COX4I2: variants seen among roughly 807,000 people sequenced by gnomAD.
The protein encoded by COX4I2 is cytochrome c oxidase subunit 4I2, also known as cytochrome c oxidase subunit 4 isoform 2, mitochondrial.
COX4I2 carries 15 observed loss-of-function variants against 20.8 expected under a neutral mutation model. That is an observed-to-expected ratio of 0.72 (90% CI 0.48 to 1.11). The LOEUF (loss-of-function observed/expected upper bound fraction) is 1.11, where lower values mean the gene tolerates loss of function less well. Ranked by LOEUF, COX4I2 falls within the 50% of genes most tolerant of loss-of-function variation. The pLI is 0.00. For missense variants in COX4I2, 224 were observed against 223.0 expected, an observed-to-expected ratio of 1.00 and a Z score of -0.03; for synonymous variants, 80 against 78.1, an observed-to-expected ratio of 1.02 and a Z score of -0.13.
At position 31,640,113 on chromosome 20, in the gene COX4I2, G is replaced by A. The variant is rs562254228; in HGVS notation, c.247+16G>A. ...AAGGTGGCCTGTAAGTGTCAGGGTG[G>A]GGCTGGCTGGAGAGAGTGGGTTGGG... is the stretch of plus-strand genomic sequence containing the variant. On this transcript the variant is annotated intron_variant, in intron 3 of 4. Transcript: ENST00000376075. 3.8e-6 allele frequency: 6 copies of A among 1,597,268 alleles called. No individual in the cohort carries two copies. In the African/African-American group the frequency reaches 8.0e-5, roughly 21 times the overall value.
chr20:31,638,919 C>T, intron 1 of COX4I2, 99 bp from the exon 2 acceptor site: 1 of 1,251,266 alleles, frequency 8.0e-7, no homozygotes, highest in Non-Finnish European at 1.1e-6. Context: ...ACCCCTACCA[C>T]TACCATACCA....
chr20:31,643,107 T>C (rs1217507165), intron 3 of COX4I2, among the ~76,000 whole-genome samples: 1 of 152,140 alleles, frequency 6.6e-6, no homozygotes, highest in Non-Finnish European at 1.5e-5. Flanking sequence ...TCACCAACTT[T>C]CTCCCATTGA....
At chr20:31,640,750 A>G (rs2060462994) in intron 3 of COX4I2, among the ~76,000 whole-genome samples, 4 of 151,824 alleles carry the variant, frequency 2.6e-5, no homozygotes, top group African/African-American at 9.7e-5. Flanking sequence ...ACTCAGCCTG[A>G]CCTCCAAGAT....
chr20:31,642,841 C>CA (rs1323153272), intron 3 of COX4I2, among the ~76,000 whole-genome samples: 1 of 152,106 alleles, frequency 6.6e-6, no homozygotes, highest in Non-Finnish European at 1.5e-5. Flanking sequence ...CTTGGTCTCC[C>CA]AAAATTCTAG....
At chr20:31,638,835 T>C (rs564685964) in intron 1 of COX4I2, among the ~76,000 whole-genome samples, 183 bp from the exon 2 acceptor site, 112 of 152,260 alleles carry the variant, frequency 7.4e-4, no homozygotes, top group African/African-American at 2.4e-3. Flanking sequence ...AGGACCCCCA[T>C]TGGCCCCCCG....
At chr20:31,639,817 A>G (rs2060456261) in intron 2 of COX4I2, 116 bp from the exon 3 acceptor site, 1 of 1,198,654 alleles carries the variant, frequency 8.3e-7, no homozygotes, top group African/African-American at 1.5e-5. Context: ...CAGCCTCCCA[A>G]AATGCTAGGA....
intron 1 of COX4I2, 51 bp from the exon 2 acceptor site, chr20:31,638,967 G>C: frequency 1.3e-6 from 2 of 1,554,368 alleles, no homozygotes; most frequent in Non-Finnish European, 1.8e-6. Flanking sequence ...TGCGGTTTGG[G>C]GGCAGAGGGT....
At chr20:31,639,429 G>A (rs962512280) in intron 2 of COX4I2, 2 of 342,930 alleles carry the variant, frequency 5.8e-6, no homozygotes, top group African/African-American at 4.5e-5. Context: ...TTCAATGCTA[G>A]TAAGAAGAAA....
chr20:31,639,770 C>A (rs1016804727), intron 2 of COX4I2, among the ~76,000 whole-genome samples, 163 bp from the exon 3 acceptor site: 1 of 151,972 alleles, frequency 6.6e-6, no homozygotes, highest in Admixed American at 6.6e-5. Context: ...CTTGGCCAGG[C>A]TGGTCTCGAA....
Position 31,643,388 on chromosome 20 carries a change from A to G in COX4I2, c.248-16A>G, listed in dbSNP as rs202205937. ...GACGCACCTGAGGCCCCTTCCCCAC[A>G]CCCAACTGCCTCCAGTGTACCGGCT... On this transcript the variant is annotated splice_polypyrimidine_tract_variant and intron_variant, in intron 3 of 4. Coordinates refer to ENST00000376075, the MANE Select transcript of COX4I2 (RefSeq NM_032609.3). The G allele has an allele frequency of 5.0e-6, 8 of 1,613,784 alleles. No individual in the cohort carries two copies. The East Asian group carries it at 8.9e-5, about 18-fold the overall frequency.
rs374722803 is a variant in COX4I2 at position 31,643,365 on chromosome 20, C to T, written c.248-39C>T. 3.6e-5 allele frequency: 58 copies of T among 1,612,842 alleles called. No individual in the cohort carries two copies. The Middle Eastern group carries it at 5.4e-4, about 15-fold the overall frequency. ...GGAAGCCGGGATCACTTAGAGTGGA[C>T]GCACCTGAGGCCCCTTCCCCACACC... is the stretch of plus-strand genomic sequence containing the variant. On this transcript the variant is annotated intron_variant, in intron 3 of 4. Coordinates refer to ENST00000376075, the MANE Select transcript of COX4I2 (RefSeq NM_032609.3).
intron 3 of COX4I2, among the ~76,000 whole-genome samples, chr20:31,641,197 A>G (rs1308152209): frequency 2.0e-5 from 3 of 151,912 alleles, no homozygotes; most frequent in Non-Finnish European, 4.4e-5. Context: ...AAAAAAGAGA[A>G]ATTGACACTC....
chr20:31,640,264 C>T (rs563052654), intron 3 of COX4I2, among the ~76,000 whole-genome samples, 167 bp downstream of exon 3: 8 of 152,274 alleles, frequency 5.3e-5, no homozygotes, highest in Non-Finnish European at 1.0e-4. Context: ...TATTCACTCA[C>T]CTGTTTGTGC....
rs1444691916 is a variant in COX4I2 at position 31,639,955 on chromosome 20, C to T, written c.105C>T (p.Ser35=). 3.7e-6 allele frequency: 6 copies of T among 1,614,046 alleles called. No homozygotes were observed. The highest frequency in any genetic ancestry group is 5.1e-6 in the Non-Finnish European group (6 of 1,180,016). ...CAGCCCGTGGTGGGGGGAAGATGTC[C>T]CCCTACACCAACTGCTATGCCCAGC... ...EGTTRGGGKM[S]PYTNCYAQRY... is the part of the protein sequence containing the mutation. Residue 35 remains serine, a synonymous_variant, in exon 3 of 5, where the codon TCC becomes TCT. Coordinates refer to ENST00000376075, the MANE Select transcript of COX4I2 (RefSeq NM_032609.3).
In COX4I2 at chr20:31,644,629, T is replaced by C; in HGVS notation, c.380-139T>C. 14 of 955,454 alleles carry C rather than the reference T, an allele frequency of 1.5e-5. No individual in the cohort carries two copies. The South Asian group carries it at 1.9e-4, about 13-fold the overall frequency. 59.2% of individuals were successfully genotyped at this position (955,454 alleles called of 1,614,324 possible). A position where few individuals can be genotyped will look rare whatever the true frequency, so the allele number is the denominator to read the frequency against. On this transcript the variant is annotated intron_variant, in intron 4 of 4. Coordinates refer to ENST00000376075, the MANE Select transcript of COX4I2 (RefSeq NM_032609.3). ...GGCTAGACAGGGTGGAGTGAGCTCC[T>C]CAGTGCAAGATACTTCAACCCTGGA...
intron 2 of COX4I2, chr20:31,639,347 T>C (rs2060453460): frequency 1.1e-6 from 1 of 933,914 alleles, no homozygotes; most frequent in South Asian, 4.9e-5. Context: ...CTCAGGCCCC[T>C]AGACCTTTTG....
intron 3 of COX4I2, 68 bp from the exon 4 acceptor site, chr20:31,643,335 GA>G: frequency 1.3e-6 from 2 of 1,592,888 alleles, no homozygotes; most frequent in Non-Finnish European, 1.7e-6. Flanking sequence ...CTGCTGCAGG[GA>G]GGGGGAAGCC....
intron 3 of COX4I2, among the ~76,000 whole-genome samples, chr20:31,643,099 A>G (rs1345073875): frequency 6.6e-6 from 1 of 151,896 alleles, no homozygotes; most frequent in Non-Finnish European, 1.5e-5. Flanking sequence ...TCCAGTTTTC[A>G]CCAACTTTCT....
At chr20:31,642,049 A>T (rs183478234) in intron 3 of COX4I2, among the ~76,000 whole-genome samples, 4 of 151,882 alleles carry the variant, frequency 2.6e-5, no homozygotes, top group African/African-American at 2.4e-5. Context: ...GAGCAGTCTC[A>T]CTATGGTTGC....
Sources: allele counts gnomAD v4.1 joint callset (sites outside exome capture counted in the v4.1 genomes callset), GRCh38; gene constraint gnomAD v4.1.1; transcripts MANE v1.5; gene names NCBI Gene and HGNC (gene_info 2026-07-23, HGNC 2026-07-21).